The following WDR44 variants were observed in gnomAD, a reference collection of about 807,000 sequenced individuals.
WDR44 encodes the protein WD repeat domain 44, also known as WD repeat-containing protein 44.
In WDR44, 9 loss-of-function variants were observed where a neutral mutation model predicts 65.7. That is an observed-to-expected ratio of 0.14 (90% CI 0.08 to 0.24). WDR44 has a LOEUF of 0.24. WDR44 is among the 10% of genes least tolerant of loss of function. The pLI is 1.00. For missense variants in WDR44, 425 were observed against 670.9 expected, an observed-to-expected ratio of 0.63 and a Z score of 4.05; for synonymous variants, 220 against 235.2, an observed-to-expected ratio of 0.94 and a Z score of 0.59.
intron 7 of WDR44, among the ~76,000 whole-genome samples, chrX:118,398,005 GGTGGGTGGATTGC>G (rs1285756526): frequency 8.9e-6 from 1 of 111,949 alleles, no homozygotes; most frequent in Admixed American, 9.5e-5. Flanking sequence ...AGGAGGCCAA[GGTGGGTGGATTGC>G]CTGAGCTCAG....
rs779426561 is a variant in WDR44, at chrX:118,409,633, T to C, written c.1672+6T>C. 11 of 1,172,911 alleles carry C rather than the reference T, an allele frequency of 9.4e-6. No homozygotes were observed. Among genetic ancestry groups the C allele is most frequent in the Non-Finnish European group, 1.3e-5 (11 of 878,936 alleles). ...AATGAAATACAATACTGAAGGTATT[T>C]TTCATCTATTTAAAAATCTACAGAA... On this transcript the variant is annotated splice_donor_region_variant and intron_variant, in intron 11 of 19. Coordinates refer to ENST00000254029, the MANE Select transcript of WDR44 (RefSeq NM_019045.5).
At position 118,393,258 on chromosome X, in the gene WDR44, T is replaced by G. The variant is rs182645135; in HGVS notation, c.813T>G (p.Thr271=). Reference sequence around the variant, plus strand: ...AATTGGAATTTGAGACTCTGAAAACTCCTGATATAGATGGCAAGTATTAAT... The same window carrying G: ...AATTGGAATTTGAGACTCTGAAAACGCCTGATATAGATGGCAAGTATTAAT... ...KSELEFETLK[T]PDIDVPKENI... is the part of the protein sequence containing the mutation. Residue 271 remains threonine, a synonymous_variant, in exon 4 of 20, where the codon ACT becomes ACG. Coordinates refer to ENST00000254029, the MANE Select transcript of WDR44 (RefSeq NM_019045.5). The G allele has an allele frequency of 1.7e-5, 20 of 1,189,146 alleles. No individual in the cohort carries two copies. The highest frequency in any genetic ancestry group is 9.6e-5 in the Admixed American group (4 of 41,835).
intron 3 of WDR44, among the ~76,000 whole-genome samples, chrX:118,391,774 G>A (rs1451880183): frequency 1.8e-5 from 2 of 111,533 alleles, no homozygotes; most frequent in Non-Finnish European, 3.8e-5. Flanking sequence ...ACATGAGGTC[G>A]GGAGTTAAAG....
intron 2 of WDR44, among the ~76,000 whole-genome samples, chrX:118,382,736 A>G (rs1047165794): frequency 1.8e-5 from 2 of 112,012 alleles, no homozygotes; most frequent in African/African-American, 6.5e-5. Context: ...GTAATATCCA[A>G]CACAGGTGGA....
intron 13 of WDR44, among the ~76,000 whole-genome samples, chrX:118,434,895 C>T (rs755247005): frequency 9.0e-6 from 1 of 111,495 alleles, no homozygotes; most frequent in East Asian, 2.8e-4. Context: ...CAAGAATTAC[C>T]GTGTTAATTC....
intron 12 of WDR44, among the ~76,000 whole-genome samples, chrX:118,419,239 CT>C (rs1448756563): frequency 1.8e-5 from 2 of 111,786 alleles, no homozygotes; most frequent in African/African-American, 3.2e-5. Flanking sequence ...CAGCTGGAGA[CT>C]TCCTTCTCCC....
At chrX:118,378,572 T>A in intron 2 of WDR44, 120 bp downstream of exon 2, 1 of 622,538 alleles carries the variant, frequency 1.6e-6, no homozygotes, top group Non-Finnish European at 2.5e-6. Flanking sequence ...CTCAGTAATG[T>A]AGTCATTATG....
rs190391319 is a variant in WDR44 at position 118,423,852 on chromosome X, A to G, written c.1738-8929A>G. On this transcript the variant is annotated intron_variant, in intron 12 of 19. Transcript: ENST00000254029. ...CATCATATAAGTGGCATTATGTAGT[A>G]TTTGTCCAAAAAGTATCTGGCTTAA... 2.9e-4 allele frequency among the ~76,000 whole-genome samples: 32 copies of G among 112,037 alleles called. No individual in the cohort carries two copies. In the East Asian group the frequency reaches 8.4e-3, roughly 29 times the overall value.
chrX:118,404,989 T>C (rs913875481), intron 9 of WDR44, among the ~76,000 whole-genome samples: 2 of 111,511 alleles, frequency 1.8e-5, no homozygotes, highest in African/African-American at 6.5e-5. Context: ...CGTGAGCCAC[T>C]GCACCCGGCC....
Position 118,346,509 on chromosome X carries a change from G to A in WDR44, c.6G>A (p.Ala2=). The change falls in exon 1 of 20, where the codon GCG becomes GCA. Residue 2 remains alanine (A), a synonymous_variant. Coordinates refer to ENST00000254029, the MANE Select transcript of WDR44 (RefSeq NM_019045.5). M[A]SESDTEEFYD... is the part of the protein sequence containing the mutation. ...CCCGCGGGTGTGTCCTATAAATGGC[G>A]TCGGAAAGCGACACCGAGGAATTCT... The A allele has an allele frequency of 8.3e-7, 1 of 1,207,530 alleles. No homozygotes were observed. The highest frequency in any genetic ancestry group is 2.2e-5 in the Admixed American group (1 of 45,740).
intron 12 of WDR44, among the ~76,000 whole-genome samples, chrX:118,412,900 G>A (rs1176710217): frequency 2.7e-5 from 3 of 111,033 alleles, no homozygotes; most frequent in African/African-American, 6.6e-5. Context: ...TTACATCTTT[G>A]CGTCCTCATA....
chrX:118,358,177 A>C (rs1051551109), intron 1 of WDR44, among the ~76,000 whole-genome samples: 1 of 112,358 alleles, frequency 8.9e-6, no homozygotes, highest in Non-Finnish European at 1.9e-5. Context: ...AGATTAATTC[A>C]TTTTAATTTG....
At chrX:118,350,146 G>A (rs916343453) in intron 1 of WDR44, among the ~76,000 whole-genome samples, 2 of 111,919 alleles carry the variant, frequency 1.8e-5, no homozygotes, top group African/African-American at 6.5e-5. Context: ...TTTCAGCAAC[G>A]TGTATTTTTG....
intron 12 of WDR44, among the ~76,000 whole-genome samples, chrX:118,429,725 A>G (rs780187511): frequency 2.7e-5 from 3 of 111,453 alleles, no homozygotes; most frequent in Non-Finnish European, 5.6e-5. Flanking sequence ...TGTTTTTGAG[A>G]CAGAGTCTCG....
chrX:118,409,445 A>G, intron 10 of WDR44, 44 bp from the exon 11 acceptor site: 1 of 1,189,919 alleles, frequency 8.4e-7, no homozygotes, highest in Non-Finnish European at 1.1e-6. Context: ...TAAAGTCTCT[A>G]AAGGTGTAAA....
At chrX:118,381,043 G>C (rs1203559805) in intron 2 of WDR44, among the ~76,000 whole-genome samples, 1 of 111,741 alleles carries the variant, frequency 8.9e-6, no homozygotes, top group Admixed American at 9.6e-5. Context: ...ATAAATTGAG[G>C]CCAGATTGTG....
rs1187773331 is a variant in WDR44, at chrX:118,436,788, T to C, written c.1938T>C (p.His646=). 8.4e-7 allele frequency: 1 copy of C among 1,194,992 alleles called. No individual in the cohort carries two copies. Among genetic ancestry groups the C allele is most frequent in the South Asian group, 1.9e-5 (1 of 53,980 alleles). ...GAGAATGCCTTTGCTGTTTTCAACATATAGATTTTGTCACTGCCATAGCTT... is the reference window on the plus strand; with the variant it reads ...GAGAATGCCTTTGCTGTTTTCAACACATAGATTTTGTCACTGCCATAGCTT... ...SRRECLCCFQ[H]IDFVTAIAFH... is the part of the protein sequence containing the mutation. Residue 646 remains histidine (H), a synonymous_variant, in exon 14 of 20, where the codon CAT becomes CAC. Coordinates refer to ENST00000254029, the MANE Select transcript of WDR44 (RefSeq NM_019045.5).
chrX:118,424,652 C>T (rs1365437400), intron 12 of WDR44, among the ~76,000 whole-genome samples: 2 of 109,923 alleles, frequency 1.8e-5, no homozygotes, highest in African/African-American at 3.3e-5. Context: ...TGTAAGTTGC[C>T]TTTTCATGTT....
At chrX:118,418,524 G>A (rs1396711580) in intron 12 of WDR44, among the ~76,000 whole-genome samples, 1 of 111,626 alleles carries the variant, frequency 9.0e-6, no homozygotes, top group Non-Finnish European at 1.9e-5. Context: ...AGAGAGTCCT[G>A]TGATGTGAAC....
Sources: gnomAD v4.1 joint callset for allele counts (sites outside exome capture counted in the v4.1 genomes callset) on GRCh38, gnomAD v4.1.1 for gene constraint, MANE v1.5 for transcripts, NCBI Gene and HGNC (gene_info 2026-07-23, HGNC 2026-07-21) for gene names.